LIFR: variants seen among roughly 807,000 people sequenced by gnomAD.
LIFR encodes LIF receptor subunit alpha.
In LIFR, 84 loss-of-function variants were observed where a neutral mutation model predicts 122.2. The observed-to-expected ratio is 0.69, with a 90% CI of 0.58 to 0.82. The LOEUF (loss-of-function observed/expected upper bound fraction) is 0.82. Among genes scored for constraint, LIFR ranks in the 40% least tolerant of loss-of-function variants. The pLI, the probability that LIFR is intolerant of heterozygous loss-of-function variation, is 0.00. For synonymous variants in LIFR, 422 were observed against 434.7 expected, an observed-to-expected ratio of 0.97 and a Z score of 0.36; for missense variants, 1,294 against 1,311.6, an observed-to-expected ratio of 0.99 and a Z score of 0.21.
At chr5:38,533,708 G>A (rs185602627) in intron 1 of LIFR, among the ~76,000 whole-genome samples, 78 of 152,226 alleles carry the variant, frequency 5.1e-4, no homozygotes, top group African/African-American at 1.7e-3. Context: ...ATATGGTGGC[G>A]GTGGTGGGGA....
intron 1 of LIFR, among the ~76,000 whole-genome samples, chr5:38,549,251 G>A (rs1051303846): frequency 4.7e-5 from 4 of 84,528 alleles, no homozygotes; most frequent in South Asian, 5.9e-4. Flanking sequence ...GTAGAAAATT[G>A]TACACACACA....
At chr5:38,537,349 C>T (rs1271493013) in intron 1 of LIFR, among the ~76,000 whole-genome samples, 3 of 152,196 alleles carry the variant, frequency 2.0e-5, no homozygotes, top group Non-Finnish European at 2.9e-5. Context: ...GCAATGTCTC[C>T]TATATTTCCC....
intron 6 of LIFR, among the ~76,000 whole-genome samples, chr5:38,511,175 T>A (rs1235381968): frequency 6.6e-6 from 1 of 152,234 alleles, no homozygotes; most frequent in East Asian, 1.9e-4. Flanking sequence ...CCTAAATATA[T>A]GCCCAAGTAC....
chr5:38,593,258 G>A (rs532192300), intron 1 of LIFR, among the ~76,000 whole-genome samples: 7 of 152,152 alleles, frequency 4.6e-5, no homozygotes, highest in Middle Eastern at 3.4e-3. Flanking sequence ...AAAAAAGGCA[G>A]GGGAGGGGAA....
chr5:38,541,898 A>G lies in LIFR; in HGVS notation c.-19-11232T>C, dbSNP rs1747611172. On this transcript the variant is annotated intron_variant, in intron 1 of 19. Transcript: ENST00000453190. ...ATGATTTAGCAGCAACACACGGGAA[A>G]ACCACAAAAAAAGGTTAATAAGCTG... Among the ~76,000 whole-genome samples the G allele has an allele frequency of 3.3e-5, 5 of 152,234 alleles. No individual in the cohort carries two copies. The South Asian group carries it at 1.0e-3, about 32-fold the overall frequency.
chr5:38,570,515 G>A (rs975568730), intron 1 of LIFR, among the ~76,000 whole-genome samples: 7 of 151,898 alleles, frequency 4.6e-5, no homozygotes, highest in Non-Finnish European at 7.4e-5. Context: ...AGGCTTTTTC[G>A]GTCTGGACTT....
At position 38,477,812 on chromosome 5, in the gene LIFR, T is replaced by C. The variant is rs1248594514; in HGVS notation, c.*3783A>G. 9.2e-6 allele frequency: 2 copies of C among 217,790 alleles called. No individual in the cohort carries two copies. Among genetic ancestry groups the C allele is most frequent in the African/African-American group, 4.5e-5 (2 of 44,498 alleles). The allele number at this position is 217,790 out of a possible 1,614,324, so 13.5% of individuals were successfully genotyped here. A position where few individuals can be genotyped will look rare whatever the true frequency, so the allele number is the denominator to read the frequency against. On this transcript the variant is annotated 3_prime_UTR_variant, in exon 20 of 20. Transcript: ENST00000453190. ...TACTGAGCTTTCACGATGTGCCTAGTCTTTGTAGCTAATAATCCCACATTT... is the reference window on the plus strand; with the variant it reads ...TACTGAGCTTTCACGATGTGCCTAGCCTTTGTAGCTAATAATCCCACATTT...
chr5:38,547,412 C>T (rs1580163671), intron 1 of LIFR, among the ~76,000 whole-genome samples: 1 of 152,154 alleles, frequency 6.6e-6, no homozygotes, highest in African/African-American at 2.4e-5. Flanking sequence ...CTGTTGGTTA[C>T]ACAACCTGTG....
chr5:38,512,865 T>G (rs1320421597), intron 5 of LIFR, among the ~76,000 whole-genome samples: 1 of 152,164 alleles, frequency 6.6e-6, no homozygotes, highest in Non-Finnish European at 1.5e-5. Context: ...TTCAAAAGCT[T>G]AAGTCAAGGA....
intron 1 of LIFR, among the ~76,000 whole-genome samples, chr5:38,532,519 G>T (rs1324673337): frequency 6.6e-6 from 1 of 152,152 alleles, no homozygotes; most frequent in East Asian, 1.9e-4. Flanking sequence ...AACAGCCACG[G>T]ATCAAAGACT....
At position 38,550,770 on chromosome 5, in the gene LIFR, T is replaced by C. The variant is rs1748158614; in HGVS notation, c.-20+5564A>G. On this transcript the variant is annotated intron_variant, in intron 1 of 19. Transcript: ENST00000453190. The stretch of plus-strand genomic sequence containing the variant: ...GGTTCTAGAGAGGAGTTGAGAACCC[T>C]GCACTTAAAGAGTCCGAAGATCATG... 2.6e-5 allele frequency among the ~76,000 whole-genome samples: 4 copies of C among 152,318 alleles called. No individual in the cohort carries two copies. In the South Asian group the frequency reaches 8.3e-4, roughly 32 times the overall value.
chr5:38,604,647 G>GAGGGGTA (rs1750289306), intron 2 of LIFR, among the ~76,000 whole-genome samples: 1 of 151,942 alleles, frequency 6.6e-6, no homozygotes, highest in Non-Finnish European at 1.5e-5. Flanking sequence ...GTTGCAGTGA[G>GAGGGGTA]CCGAGATTGC....
chr5:38,513,399 T>G (rs1745907668), intron 5 of LIFR, among the ~76,000 whole-genome samples: 1 of 152,246 alleles, frequency 6.6e-6, no homozygotes, highest in African/African-American at 2.4e-5. Flanking sequence ...GAAAGTTGTT[T>G]GAAGATATGT....
intron 5 of LIFR, among the ~76,000 whole-genome samples, chr5:38,514,023 A>G (rs1259141103): frequency 6.6e-6 from 1 of 152,148 alleles, no homozygotes; most frequent in African/African-American, 2.4e-5. Context: ...ATACATTAAA[A>G]AAATAACATA....
Position 38,481,909 on chromosome 5 carries a change from C to G in LIFR, c.2980G>C (p.Asp994His). 1 of 1,614,126 alleles carries G rather than the reference C, an allele frequency of 6.2e-7. No homozygotes were observed. Among genetic ancestry groups the G allele is most frequent in the Non-Finnish European group, 8.5e-7 (1 of 1,180,012 alleles). Reference sequence around the variant, plus strand: ...TTATAGCCTGCCCCTCCTACAGGGTCATTTTCTTGTTCTTCTTCTGGTTTT... The same window carrying G: ...TTATAGCCTGCCCCTCCTACAGGGTGATTTTCTTGTTCTTCTTCTGGTTTT... ...QAKPEEEQEN[D>H]PVGGAGYKPQ... Residue 994 changes from aspartate (D) to histidine (H), a missense_variant, in exon 20 of 20, where the codon GAC (aspartate) becomes CAC (histidine). Asp to His is a moderately conservative substitution (Grantham distance 81). Coordinates refer to ENST00000453190, the MANE Select transcript of LIFR (RefSeq NM_001127671.2).
chr5:38,510,577 T>A lies in LIFR; in HGVS notation c.878A>T (p.Asp293Val). 6.2e-7 allele frequency: 1 copy of A among 1,614,030 alleles called. No individual in the cohort carries two copies. Among genetic ancestry groups the A allele is most frequent in the Non-Finnish European group, 8.5e-7 (1 of 1,179,956 alleles). The part of the protein sequence containing the change: ...GHTNCPLIHL[D>V]GENVAIKIRN... ...AATCTTGATTGCAACATTTTCCCCA[T>A]CAAGATGGATCAAGGGGCAGTTTGT... The change falls in exon 7 of 20, where the codon GAT (aspartate) becomes GTT (valine). Residue 293 changes from aspartate to valine, a missense_variant. Transcript: ENST00000453190.
chr5:38,565,824 C>A (rs1749005206), intron 1 of LIFR, among the ~76,000 whole-genome samples: 1 of 152,064 alleles, frequency 6.6e-6, no homozygotes, highest in African/African-American at 2.4e-5. Flanking sequence ...CTCAGGTGAT[C>A]CCCCACACCT....
intron 1 of LIFR, among the ~76,000 whole-genome samples, chr5:38,550,526 T>C (rs369622746): frequency 6.6e-6 from 1 of 152,224 alleles, no homozygotes; most frequent in Non-Finnish European, 1.5e-5. Context: ...AATAGCAACA[T>C]GCTCTATTTT....
In LIFR at chr5:38,594,791, A is replaced by G. The variant is rs114600569; in HGVS notation, c.-20+470T>C. ...ATCTAATGTAGTTATATGTGATTCT[A>G]TCAATATCTGACATGGAAAAAAAGC... is the stretch of plus-strand genomic sequence containing the variant. On this transcript the variant is annotated intron_variant, in intron 1 of 19. Transcript: ENST00000263409. 1,776 of 182,728 alleles carry G rather than the reference A, an allele frequency of 9.7e-3. 8 individuals are homozygous for G. Among genetic ancestry groups the G allele is most frequent in the Middle Eastern group, 0.019 (9 of 476 alleles). The allele number at this position is 182,728 out of a possible 1,614,324, so 11.3% of individuals were successfully genotyped here. A position where few individuals can be genotyped will look rare whatever the true frequency, so the allele number is the denominator to read the frequency against.
Sources: allele counts gnomAD v4.1 joint callset (sites outside exome capture counted in the v4.1 genomes callset), GRCh38; gene constraint gnomAD v4.1.1; transcripts MANE v1.5; gene names NCBI Gene and HGNC (gene_info 2026-07-23, HGNC 2026-07-21).